The following RBFOX1 variants were observed in gnomAD, a reference collection of about 807,000 sequenced individuals.
RBFOX1 encodes RNA binding fox-1 homolog 1.
RBFOX1 carries 8 observed loss-of-function variants against 57.7 expected under a neutral mutation model. The ratio of observed to expected loss-of-function variants is 0.14; its 90% CI spans 0.08 to 0.25. The LOEUF is 0.25. Among genes scored for constraint, RBFOX1 ranks in the 10% least tolerant of loss-of-function variants. The pLI is 1.00. For missense variants in RBFOX1, 611 were observed against 548.5 expected (o/e 1.11, Z -1.14); for synonymous variants, 326 against 222.4 (o/e 1.47, Z -4.15).
At chr16:5,749,719 G>C (rs144404190) in intron 3 of RBFOX1, among the ~76,000 whole-genome samples, 1 of 152,222 alleles carries the variant, frequency 6.6e-6, no homozygotes, top group African/African-American at 2.4e-5. Flanking sequence ...AGTTCCATCA[G>C]GTCATTTAAG....
chr16:6,403,763 T>C (rs894910939), intron 2 of RBFOX1, among the ~76,000 whole-genome samples: 5 of 152,132 alleles, frequency 3.3e-5, no homozygotes, highest in Non-Finnish European at 7.4e-5. Flanking sequence ...TGTTCATGCA[T>C]TGACTCAAGT....
chr16:7,689,576 G>T (rs1465932394), intron 14 of RBFOX1, among the ~76,000 whole-genome samples: 1 of 152,018 alleles, frequency 6.6e-6, no homozygotes, highest in Non-Finnish European at 1.5e-5. Flanking sequence ...TGAAACCCAG[G>T]AATCTATACC....
chr16:6,841,050 T>C (rs1280728006), intron 3 of RBFOX1, among the ~76,000 whole-genome samples: 1 of 152,146 alleles, frequency 6.6e-6, no homozygotes, highest in African/African-American at 2.4e-5. Context: ...TAAACTTGTT[T>C]TGTGCAAGCC....
At chr16:7,514,271 C>T (rs2075853430) in intron 4 of RBFOX1, among the ~76,000 whole-genome samples, 1 of 152,146 alleles carries the variant, frequency 6.6e-6, no homozygotes. Flanking sequence ...AAATTTGGGC[C>T]AGGTTTGCCT....
intron 1 of RBFOX1, among the ~76,000 whole-genome samples, chr16:6,135,785 CTTTTTTTTT>C (rs35563303): frequency 1.3e-4 from 11 of 85,024 alleles, no homozygotes; most frequent in African/African-American, 5.3e-4. Context: ...CTCGTTTCGA[CTTTTTTTTT>C]TTTTTTTTTT....
chr16:7,708,432 A>C (rs2083204978), intron 14 of RBFOX1, among the ~76,000 whole-genome samples: 1 of 152,138 alleles, frequency 6.6e-6, no homozygotes. Context: ...CCCTTCCCAG[A>C]ACCTGGCCAT....
At chr16:6,922,667 G>C (rs568072717) in intron 3 of RBFOX1, among the ~76,000 whole-genome samples, 9 of 152,256 alleles carry the variant, frequency 5.9e-5, no homozygotes, top group Admixed American at 3.3e-4. Context: ...TGAGGGTGGA[G>C]TAAACTTAGG....
At chr16:5,686,550 G>A (rs540946291) in intron 3 of RBFOX1, among the ~76,000 whole-genome samples, 2 of 152,072 alleles carry the variant, frequency 1.3e-5, no homozygotes, top group Non-Finnish European at 2.9e-5. Flanking sequence ...ACTTAATCGT[G>A]GGTCTTCTTT....
rs111565402 is a variant in RBFOX1, at chr16:7,103,121, A to T, written c.27+51023A>T. Among the ~76,000 whole-genome samples, 470 of 151,956 alleles carry T rather than the reference A, an allele frequency of 3.1e-3. 4 individuals carry two copies. The highest frequency in any genetic ancestry group is 0.011 in the African/African-American group (452 of 41,484). On this transcript the variant is annotated intron_variant, in intron 4 of 15. Transcript: ENST00000550418. ...TTTCTGAAAAGTGTGGGTGCTTTCCAAGCTGTCGGACCAAAGTATTACTGA... is the reference window on the plus strand; with the variant it reads ...TTTCTGAAAAGTGTGGGTGCTTTCCTAGCTGTCGGACCAAAGTATTACTGA...
rs970451911 is a variant in RBFOX1 at position 5,920,949 on chromosome 16, T to C, written c.351+53614T>C. On this transcript the variant is annotated intron_variant, in intron 4 of 19. Transcript: ENST00000641259. ...GATGTGAACATGTGCCGTGCAAGGCTACCTGAAGAATCTGTTCTCCTCTTC... is the reference window on the plus strand; with the variant it reads ...GATGTGAACATGTGCCGTGCAAGGCCACCTGAAGAATCTGTTCTCCTCTTC... Among the ~76,000 whole-genome samples, 4 of 95,118 alleles carry C rather than the reference T, an allele frequency of 4.2e-5. No homozygotes were observed. In the Admixed American group the frequency reaches 4.8e-4, roughly 11 times the overall value. 62.4% of individuals were successfully genotyped at this position (95,118 alleles called of 152,430 possible).
chr16:6,019,295 G>A lies in RBFOX1; in HGVS notation c.-824G>A. On this transcript the variant is annotated 5_prime_UTR_variant, in exon 1 of 16. Coordinates refer to ENST00000550418, the MANE Select transcript of RBFOX1 (RefSeq NM_018723.4). The surrounding 1 kb of genome is among the most constrained non-coding windows in gnomAD (Gnocchi z 4.2). ...TGGTCTCCCGAGCGCGGGGTTTGAA[G>A]GTCACCTCCTTTCCAGTCCCCGTGC... 3 of 985,206 alleles carry A rather than the reference G, an allele frequency of 3.0e-6. No individual in the cohort carries two copies. The South Asian group carries it at 1.4e-4, about 46-fold the overall frequency. The allele number at this position is 985,206 out of a possible 1,614,324, so 61.0% of individuals were successfully genotyped here.
intron 1 of RBFOX1, among the ~76,000 whole-genome samples, chr16:6,248,558 A>G (rs2152939755): frequency 6.6e-6 from 1 of 152,296 alleles, no homozygotes; most frequent in East Asian, 1.9e-4. Flanking sequence ...AGAAGGGGGA[A>G]GATCCCCGAG....
chr16:7,213,103 G>T (rs1567730024), intron 4 of RBFOX1, among the ~76,000 whole-genome samples: 1 of 152,174 alleles, frequency 6.6e-6, no homozygotes, highest in Non-Finnish European at 1.5e-5. Flanking sequence ...GCTAATAGGG[G>T]TTGAGAATGG....
In RBFOX1 at chr16:7,283,635, C is replaced by T. The variant is rs1314228266; in HGVS notation, c.27+231537C>T. Reference sequence around the variant, plus strand: ...GCCTCACCGTCCTCAGAAGCTGTATCCTTACTCAGTTTTCTTTAATTGGCA... The same window carrying T: ...GCCTCACCGTCCTCAGAAGCTGTATTCTTACTCAGTTTTCTTTAATTGGCA... On this transcript the variant is annotated intron_variant, in intron 4 of 15. Coordinates refer to ENST00000550418, the MANE Select transcript of RBFOX1 (RefSeq NM_018723.4). Among the ~76,000 whole-genome samples, 9 of 152,060 alleles carry T rather than the reference C, an allele frequency of 5.9e-5. No individual in the cohort carries two copies. In the East Asian group the frequency reaches 1.2e-3, roughly 20 times the overall value.
At chr16:6,403,189 G>A (rs1312201956) in intron 2 of RBFOX1, among the ~76,000 whole-genome samples, 1 of 152,090 alleles carries the variant, frequency 6.6e-6, no homozygotes, top group Admixed American at 6.5e-5. Flanking sequence ...CAGACTTGCA[G>A]GCCTGTATTC....
chr16:7,431,370 G>A (rs1163702719), intron 4 of RBFOX1: 1 of 151,824 alleles, frequency 6.6e-6, no homozygotes, highest in Non-Finnish European at 1.5e-5. Context: ...GGGGCTACAG[G>A]TCTGCACCAA....
intron 4 of RBFOX1, among the ~76,000 whole-genome samples, chr16:7,084,015 C>G (rs2059601669): frequency 6.6e-6 from 1 of 152,112 alleles, no homozygotes; most frequent in Non-Finnish European, 1.5e-5. Flanking sequence ...GTTAAAGGCC[C>G]TAACACTCTC....
chr16:5,737,385 C>G (rs1030632276), intron 3 of RBFOX1, among the ~76,000 whole-genome samples: 5 of 152,020 alleles, frequency 3.3e-5, no homozygotes, highest in Admixed American at 6.6e-5. Flanking sequence ...CTTTGGAAGG[C>G]TGAGGCAGGA....
intron 1 of RBFOX1, among the ~76,000 whole-genome samples, chr16:6,178,416 C>T (rs1031451257): frequency 2.0e-5 from 3 of 151,984 alleles, no homozygotes; most frequent in Non-Finnish European, 2.9e-5. Flanking sequence ...AACTCCTGAC[C>T]TCGTGATCTG....
Sources: gnomAD v4.1 joint callset for allele counts (sites outside exome capture counted in the v4.1 genomes callset) on GRCh38, gnomAD v4.1.1 for gene constraint, Gnocchi (gnomAD v3.1) non-coding constraint, MANE v1.5 for transcripts, NCBI Gene and HGNC (gene_info 2026-07-23, HGNC 2026-07-21) for gene names.